The following CDH13 variants were observed in gnomAD, a reference collection of about 807,000 sequenced individuals.
CDH13 encodes the protein cadherin-13.
CDH13 carries 24 observed loss-of-function variants against 63.8 expected under a neutral mutation model. That is an observed-to-expected ratio of 0.38 (90% CI 0.27 to 0.53). The LOEUF is 0.53. Ranked by LOEUF, CDH13 falls within the 20% of genes least tolerant of loss-of-function variation. The pLI is 0.85. For missense variants in CDH13, 1,049 were observed against 903.1 expected, an observed-to-expected ratio of 1.16 and a Z score of -2.07; for synonymous variants, 503 against 355.3, an observed-to-expected ratio of 1.42 and a Z score of -4.67.
chr16:83,132,430 C>A (rs368355942), intron 4 of CDH13, among the ~76,000 whole-genome samples: 1 of 110,672 alleles, frequency 9.0e-6, no homozygotes, highest in Admixed American at 1.0e-4. Context: ...TTCTACCCCC[C>A]ACCCACCCCC....
intron 8 of CDH13, among the ~76,000 whole-genome samples, chr16:83,619,706 A>T (rs1369067319): frequency 6.6e-6 from 1 of 152,248 alleles, no homozygotes; most frequent in East Asian, 1.9e-4. Context: ...TCCTCTTTGC[A>T]GAAGGACACC....
chr16:82,654,344 C>G (rs868388820), intron 1 of CDH13, among the ~76,000 whole-genome samples: 1 of 152,168 alleles, frequency 6.6e-6, no homozygotes, highest in African/African-American at 2.4e-5. Context: ...ATCCCCAAAT[C>G]TCTTGCAGAA....
intron 10 of CDH13, among the ~76,000 whole-genome samples, chr16:83,687,240 A>G (rs1281172262): frequency 6.6e-6 from 1 of 152,218 alleles, no homozygotes; most frequent in Non-Finnish European, 1.5e-5. Context: ...CATAGCTTGC[A>G]TTAGTCCATT....
chr16:83,651,937 C>G (rs931882591), intron 8 of CDH13, among the ~76,000 whole-genome samples: 1 of 152,142 alleles, frequency 6.6e-6, no homozygotes, highest in Non-Finnish European at 1.5e-5. Context: ...TGGAGTGCGT[C>G]TCTCCTCACG....
intron 3 of CDH13, among the ~76,000 whole-genome samples, chr16:83,108,025 C>G (rs1363662825): frequency 6.6e-6 from 1 of 152,020 alleles, no homozygotes; most frequent in Non-Finnish European, 1.5e-5. Flanking sequence ...GTTTCACCAT[C>G]TTGGACAGGC....
intron 5 of CDH13, among the ~76,000 whole-genome samples, chr16:83,252,351 T>G (rs1415804839): frequency 6.6e-6 from 1 of 151,906 alleles, no homozygotes; most frequent in Non-Finnish European, 1.5e-5. Flanking sequence ...GGCAAGAATT[T>G]ATTAGGATGT....
chr16:83,166,561 A>T lies in CDH13; in HGVS notation c.483+41060A>T, dbSNP rs141551391. 5.3e-3 allele frequency among the ~76,000 whole-genome samples: 814 copies of T among 152,260 alleles called. 11 individuals are homozygous for T. The highest frequency in any genetic ancestry group is 0.012 in the South Asian group (56 of 4,816). On this transcript the variant is annotated intron_variant, in intron 4 of 13. Transcript: ENST00000567109. The stretch of plus-strand genomic sequence containing the variant: ...ACACAGACTTTCTGAGCCAGCTTCC[A>T]TTGACATGCCATTTGATTAATTTAT...
chr16:83,088,034 C>T (rs944839497), intron 3 of CDH13, among the ~76,000 whole-genome samples: 6 of 152,028 alleles, frequency 3.9e-5, no homozygotes, highest in Admixed American at 1.3e-4. Flanking sequence ...ATTAGGTTGG[C>T]GCAAAAAGTA....
intron 2 of CDH13, among the ~76,000 whole-genome samples, chr16:82,922,273 C>T (rs1233697075): frequency 1.3e-5 from 2 of 152,052 alleles, no homozygotes; most frequent in Non-Finnish European, 2.9e-5. Flanking sequence ...TTCAAAGAAG[C>T]CATTGGCAAA....
intron 1 of CDH13, among the ~76,000 whole-genome samples, chr16:82,778,346 T>G (rs17191427): frequency 0.07 from 10,601 of 152,142 alleles, 409 homozygotes; most frequent in African/African-American, 0.088. Flanking sequence ...CAAATAACTT[T>G]GCATCCACCT....
intron 2 of CDH13, among the ~76,000 whole-genome samples, chr16:82,928,954 C>A (rs1048515040): frequency 2.6e-5 from 4 of 152,208 alleles, no homozygotes; most frequent in African/African-American, 9.6e-5. Context: ...AGTCTAGGTT[C>A]AATATTACCA....
At chr16:83,201,645 C>T (rs1395477018) in intron 4 of CDH13, among the ~76,000 whole-genome samples, 1 of 151,982 alleles carries the variant, frequency 6.6e-6, no homozygotes, top group Non-Finnish European at 1.5e-5. Context: ...CGCCTGTAAT[C>T]CCAGCACTTT....
intron 2 of CDH13, among the ~76,000 whole-genome samples, chr16:82,961,318 C>A (rs1476918405): frequency 6.6e-6 from 1 of 152,150 alleles, no homozygotes; most frequent in Non-Finnish European, 1.5e-5. Context: ...CAGAGGCCAT[C>A]CTTGGAAAAG....
At position 82,630,280 on chromosome 16, in the gene CDH13, G is replaced by T. The variant is rs141190832; in HGVS notation, c.45+3143G>T. Among the ~76,000 whole-genome samples, 1,109 of 152,314 alleles carry T rather than the reference G, an allele frequency of 7.3e-3. 14 individuals carry two copies. Among genetic ancestry groups the T allele is most frequent in the African/African-American group, 0.026 (1,068 of 41,554 alleles). On this transcript the variant is annotated intron_variant, in intron 1 of 13. Transcript: ENST00000567109. ...CCTGTAAGATTTCCAGAGCACTAGG[G>T]AAATGGAATATGTAGTGAAAGGAGT...
intron 2 of CDH13, among the ~76,000 whole-genome samples, chr16:82,978,998 G>A (rs1909902806): frequency 6.6e-6 from 1 of 152,204 alleles, no homozygotes; most frequent in African/African-American, 2.4e-5. Flanking sequence ...CAAGATCATG[G>A]GAGCCCACCT....
intron 6 of CDH13, among the ~76,000 whole-genome samples, chr16:83,392,015 G>C (rs1295813513): frequency 1.3e-5 from 2 of 152,018 alleles, no homozygotes; most frequent in African/African-American, 2.4e-5. Flanking sequence ...TGCATCGCGG[G>C]GTGTCTAACA....
At chr16:83,236,245 A>ACGCACG (rs1366043958) in intron 5 of CDH13, among the ~76,000 whole-genome samples, 1 of 151,556 alleles carries the variant, frequency 6.6e-6, no homozygotes, top group Non-Finnish European at 1.5e-5. Context: ...ATGCACACAC[A>ACGCACG]CACACACACA....
chr16:83,355,926 C>T (rs1046705923), intron 6 of CDH13, among the ~76,000 whole-genome samples: 2 of 152,150 alleles, frequency 1.3e-5, no homozygotes, highest in African/African-American at 4.8e-5. Context: ...GGTTCCACAC[C>T]TACCTTTTAA....
chr16:82,668,002 G>A (rs980614680), intron 1 of CDH13, among the ~76,000 whole-genome samples: 16 of 152,192 alleles, frequency 1.1e-4, no homozygotes, highest in South Asian at 6.2e-4. Context: ...CGCATCTATC[G>A]CGACACCATT....
Sources: allele counts gnomAD v4.1 joint callset (sites outside exome capture counted in the v4.1 genomes callset), GRCh38; gene constraint gnomAD v4.1.1; transcripts MANE v1.5; gene names NCBI Gene and HGNC (gene_info 2026-07-23, HGNC 2026-07-21).